Variants in OPCML observed in about 807,000 individuals in gnomAD.
OPCML encodes opioid binding protein/cell adhesion molecule like, also known as opioid-binding protein/cell adhesion molecule.
OPCML carries 13 observed loss-of-function variants against 37.8 expected under a neutral mutation model. The observed-to-expected ratio is 0.34, with a 90% CI of 0.22 to 0.55. The LOEUF (loss-of-function observed/expected upper bound fraction) is 0.55, where lower values mean the gene tolerates loss of function less well. Among genes scored for constraint, OPCML ranks in the 20% least tolerant of loss-of-function variants. The pLI is 0.91. For missense variants in OPCML, 341 were observed against 435.6 expected (o/e 0.78, Z 1.93); for synonymous variants, 176 against 168.8 (o/e 1.04, Z -0.33).
chr11:132,631,498 C>T (rs776941873), intron 3 of OPCML, among the ~76,000 whole-genome samples: 5 of 150,714 alleles, frequency 3.3e-5, no homozygotes, highest in South Asian at 2.1e-4. Context: ...CTGGCTCTGT[C>T]CCCCAGGCTG....
chr11:133,103,403 A>G (rs1209940398), intron 1 of OPCML, among the ~76,000 whole-genome samples: 1 of 152,214 alleles, frequency 6.6e-6, no homozygotes, highest in African/African-American at 2.4e-5. Context: ...CCTCTATACC[A>G]GGAAACCTAA....
intron 1 of OPCML, among the ~76,000 whole-genome samples, chr11:133,513,301 C>T (rs931309626): frequency 2.0e-5 from 3 of 152,196 alleles, no homozygotes; most frequent in Non-Finnish European, 4.4e-5. Flanking sequence ...ATGACACAAA[C>T]CAAATCTTCA....
At chr11:132,692,035 T>A (rs1943423550) in intron 2 of OPCML, among the ~76,000 whole-genome samples, 1 of 152,196 alleles carries the variant, frequency 6.6e-6, no homozygotes, top group Non-Finnish European at 1.5e-5. Context: ...TGTGTAAGAA[T>A]TCAATCAGCG....
intron 1 of OPCML, among the ~76,000 whole-genome samples, chr11:133,241,961 C>G (rs567130855): frequency 7.9e-5 from 12 of 152,360 alleles, no homozygotes; most frequent in East Asian, 1.9e-4. Flanking sequence ...CCAGCTAAAA[C>G]CATCTACCAA....
chr11:132,592,043 A>G (rs1341887031), intron 3 of OPCML, among the ~76,000 whole-genome samples: 2 of 152,258 alleles, frequency 1.3e-5, no homozygotes, highest in African/African-American at 2.4e-5. Flanking sequence ...ATAGTAAAAA[A>G]TGAGGCAGCA....
At chr11:132,835,630 T>C (rs1940959992) in intron 2 of OPCML, among the ~76,000 whole-genome samples, 1 of 152,250 alleles carries the variant, frequency 6.6e-6, no homozygotes, top group African/African-American at 2.4e-5. Context: ...CAAGTCATGG[T>C]GGGATACCTG....
At chr11:132,950,845 G>A (rs965903556) in intron 1 of OPCML, among the ~76,000 whole-genome samples, 5 of 152,146 alleles carry the variant, frequency 3.3e-5, no homozygotes, top group Non-Finnish European at 7.3e-5. Flanking sequence ...CTCATCTTTT[G>A]AGAGTAGTCT....
At chr11:133,368,879 A>G (rs1944611593) in intron 1 of OPCML, among the ~76,000 whole-genome samples, 1 of 152,214 alleles carries the variant, frequency 6.6e-6, no homozygotes, top group Admixed American at 6.5e-5. Flanking sequence ...CCAAACACTC[A>G]GGATTTTGCC....
chr11:133,509,984 C>T (rs898040145), intron 1 of OPCML, among the ~76,000 whole-genome samples: 4 of 152,198 alleles, frequency 2.6e-5, no homozygotes, highest in African/African-American at 9.6e-5. Flanking sequence ...GCTCTGACTA[C>T]TGGAAAAGTA....
At chr11:133,119,794 G>A (rs957969767) in intron 1 of OPCML, among the ~76,000 whole-genome samples, 2 of 152,182 alleles carry the variant, frequency 1.3e-5, no homozygotes, top group Non-Finnish European at 1.5e-5. Flanking sequence ...AAGTCAGGAT[G>A]GGGAAGACTG....
At chr11:132,805,955 TTA>T (rs1259361463) in intron 2 of OPCML, among the ~76,000 whole-genome samples, 1 of 152,002 alleles carries the variant, frequency 6.6e-6, no homozygotes, top group Non-Finnish European at 1.5e-5. Context: ...AAAATGCAAA[TTA>T]TATGACAATA....
In OPCML at chr11:133,025,084, G is replaced by T. The variant is rs1359002319; in HGVS notation, c.62-82074C>A. 8 of 850,078 alleles carry T rather than the reference G, an allele frequency of 9.4e-6. No individual in the cohort carries two copies. The African/African-American group carries it at 1.3e-4, about 14-fold the overall frequency. The allele number at this position is 850,078 out of a possible 1,614,324, so 52.7% of individuals were successfully genotyped here. Reference sequence around the variant, plus strand: ...ATCTATGGAGTATATGTATAGATAAGCCTAGAGCTAATTTTCCTTCATAGG... The same window carrying T: ...ATCTATGGAGTATATGTATAGATAATCCTAGAGCTAATTTTCCTTCATAGG... On this transcript the variant is annotated intron_variant, in intron 1 of 7. Transcript: ENST00000524381.
chr11:132,808,896 T>C (rs575059952), intron 2 of OPCML, among the ~76,000 whole-genome samples: 4 of 152,296 alleles, frequency 2.6e-5, no homozygotes, highest in Admixed American at 6.5e-5. Context: ...TGCTGAAAGC[T>C]TTTAGTTTCA....
At chr11:132,603,221 T>A (rs575674377) in intron 3 of OPCML, among the ~76,000 whole-genome samples, 8 of 152,314 alleles carry the variant, frequency 5.3e-5, no homozygotes, top group Non-Finnish European at 1.2e-4. Context: ...TGTCTGCCAG[T>A]GATCTCCTAC....
At chr11:132,661,738 T>C (rs138774375) in intron 2 of OPCML, among the ~76,000 whole-genome samples, 1 of 152,356 alleles carries the variant, frequency 6.6e-6, no homozygotes, top group East Asian at 1.9e-4. Flanking sequence ...TCATTACAAC[T>C]ACATCACAAG....
chr11:132,747,170 T>A (rs1945660804), intron 2 of OPCML, among the ~76,000 whole-genome samples: 1 of 152,184 alleles, frequency 6.6e-6, no homozygotes, highest in African/African-American at 2.4e-5. Flanking sequence ...AGACTTATTT[T>A]TAAGGACTAT....
chr11:132,426,219 G>A (rs771232224), intron 7 of OPCML, among the ~76,000 whole-genome samples: 2 of 152,184 alleles, frequency 1.3e-5, no homozygotes, highest in Admixed American at 1.3e-4. Context: ...AGAATAGTTA[G>A]AGACCAGATA....
In OPCML at chr11:132,500,421, T is replaced by C. The variant is rs895306875; in HGVS notation, c.505+28640A>G. ...CCAAGAGGATATGTAACTCCTGAAC[T>C]TAACCTTGGGTCCAGGGAACAGCTT... On this transcript the variant is annotated intron_variant, in intron 4 of 7. Coordinates refer to ENST00000524381, the MANE Select transcript of OPCML (RefSeq NM_001012393.5). Among the ~76,000 whole-genome samples, 8 of 152,180 alleles carry C rather than the reference T, an allele frequency of 5.3e-5. 1 individual carries two copies. In the South Asian group the frequency reaches 6.2e-4, roughly 12 times the overall value.
At chr11:132,880,139 CTCTT>C (rs1943172631) in intron 2 of OPCML, among the ~76,000 whole-genome samples, 1 of 152,100 alleles carries the variant, frequency 6.6e-6, no homozygotes, top group Admixed American at 6.5e-5. Context: ...CCTACCTTCT[CTCTT>C]TCAGTTCTTG....
Sources: allele counts gnomAD v4.1 joint callset (sites outside exome capture counted in the v4.1 genomes callset), GRCh38; gene constraint gnomAD v4.1.1; transcripts MANE v1.5; gene names NCBI Gene and HGNC (gene_info 2026-07-23, HGNC 2026-07-21).